The following KLHL4 variants were observed in gnomAD, a reference collection of about 807,000 sequenced individuals.
KLHL4 encodes kelch-like protein 4.
In KLHL4, 17 loss-of-function variants were observed where a neutral mutation model predicts 45.8. The ratio of observed to expected loss-of-function variants is 0.37; its 90% CI spans 0.25 to 0.56. The LOEUF (loss-of-function observed/expected upper bound fraction) is 0.56. KLHL4 is among the 20% of genes least tolerant of loss of function. KLHL4 has a pLI of 0.79. For synonymous variants in KLHL4, 224 were observed against 189.9 expected (o/e 1.18, Z -1.47); for missense variants, 544 against 544.9 (o/e 1.00, Z 0.02).
At chrX:87,540,428 A>C (rs1257964155) in intron 1 of KLHL4, among the ~76,000 whole-genome samples, 1 of 111,937 alleles carries the variant, frequency 8.9e-6, no homozygotes, top group Non-Finnish European at 1.9e-5. Flanking sequence ...AGCTGTAAGA[A>C]ATGTTGTTAT....
At chrX:87,578,356 T>C (rs1344594116) in intron 1 of KLHL4, among the ~76,000 whole-genome samples, 1 of 111,798 alleles carries the variant, frequency 8.9e-6, no homozygotes, top group African/African-American at 3.2e-5. Context: ...GTAGAGGCAA[T>C]GTGAGAAATT....
intron 1 of KLHL4, among the ~76,000 whole-genome samples, chrX:87,558,574 G>A (rs1445041462): frequency 1.8e-5 from 2 of 111,727 alleles, no homozygotes; most frequent in Non-Finnish European, 3.8e-5. Context: ...GGGCAACAGA[G>A]CGAGACTCCA....
chrX:87,645,006 C>G (rs1321363746), intron 9 of KLHL4, among the ~76,000 whole-genome samples: 3 of 111,386 alleles, frequency 2.7e-5, no homozygotes, highest in African/African-American at 9.8e-5. Flanking sequence ...ATGTCATGAC[C>G]AAGAGCCCAA....
rs1923299750 is a variant in KLHL4 at position 87,637,424 on chromosome X, G to T, written c.1925+1649G>T. On this transcript the variant is annotated intron_variant, in intron 9 of 10. Coordinates refer to ENST00000373119, the MANE Select transcript of KLHL4 (RefSeq NM_019117.5). Reference sequence around the variant, plus strand: ...AATTCTGGTAGTATGACAAAATGAGGTTTTTTGACATCCCCAAAAGATCGC... The same window carrying T: ...AATTCTGGTAGTATGACAAAATGAGTTTTTTTGACATCCCCAAAAGATCGC... Among the ~76,000 whole-genome samples, 3 of 110,972 alleles carry T rather than the reference G, an allele frequency of 2.7e-5. No homozygotes were observed. In the Admixed American group the frequency reaches 2.9e-4, roughly 11 times the overall value.
At chrX:87,601,429 G>C (rs1216096810) in intron 1 of KLHL4, among the ~76,000 whole-genome samples, 1 of 111,663 alleles carries the variant, frequency 9.0e-6, no homozygotes, top group Non-Finnish European at 1.9e-5. Context: ...TACTGAAGTT[G>C]TGTGCATGCT....
intron 9 of KLHL4, among the ~76,000 whole-genome samples, chrX:87,662,798 CGG>C (rs1924233645): frequency 9.2e-6 from 1 of 109,135 alleles, no homozygotes; most frequent in African/African-American, 3.3e-5. Flanking sequence ...GTCGTGGTGG[CGG>C]GCGCCTGTAG....
intron 1 of KLHL4, among the ~76,000 whole-genome samples, chrX:87,530,697 T>A (rs971990103): frequency 9.6e-6 from 1 of 104,067 alleles, no homozygotes; most frequent in Non-Finnish European, 1.9e-5. Context: ...TGGTTCCAAG[T>A]CTTTGCTATT....
intron 1 of KLHL4, among the ~76,000 whole-genome samples, chrX:87,584,118 C>A (rs1921379368): frequency 8.9e-6 from 1 of 112,059 alleles, no homozygotes; most frequent in African/African-American, 3.2e-5. Context: ...CAAGGCAGTA[C>A]CTCTATGAAT....
chrX:87,628,424 A>G (rs1923004947), intron 6 of KLHL4, among the ~76,000 whole-genome samples: 1 of 112,260 alleles, frequency 8.9e-6, no homozygotes, highest in African/African-American at 3.2e-5. Flanking sequence ...GAAAAAACCT[A>G]AGAAGTATAA....
chrX:87,635,799 G>C (rs920992039), intron 9 of KLHL4, 24 bp downstream of exon 9: 2 of 1,037,652 alleles, frequency 1.9e-6, no homozygotes, highest in Non-Finnish European at 2.6e-6. Flanking sequence ...ATTTCCTTCT[G>C]TATGTAATTA....
At chrX:87,610,902 T>C (rs983400562) in intron 1 of KLHL4, among the ~76,000 whole-genome samples, 13 of 110,410 alleles carry the variant, frequency 1.2e-4, no homozygotes, top group African/African-American at 4.3e-4. Context: ...GGTGAAACCC[T>C]GTCTCTACTA....
chrX:87,609,222 G>C (rs891101284), intron 1 of KLHL4, among the ~76,000 whole-genome samples: 1 of 112,084 alleles, frequency 8.9e-6, no homozygotes, highest in Non-Finnish European at 1.9e-5. Context: ...ATAAACATAT[G>C]TGTGCATGTG....
chrX:87,566,313 T>C (rs1247963961), intron 1 of KLHL4, among the ~76,000 whole-genome samples: 4 of 110,438 alleles, frequency 3.6e-5, no homozygotes, highest in Non-Finnish European at 7.6e-5. Context: ...TGAAAATAGA[T>C]ACAAAAAATC....
In KLHL4 at chrX:87,525,807, T is replaced by C. The variant is rs1304306606; in HGVS notation, c.422+7492T>C. 2.7e-5 allele frequency among the ~76,000 whole-genome samples: 3 copies of C among 111,822 alleles called. No individual in the cohort carries two copies. The East Asian group carries it at 8.4e-4, about 31-fold the overall frequency. ...TCAATGATCATATTTATTGAAACTA[T>C]CAGCAGTGAATTCATAGTTCTTTGT... On this transcript the variant is annotated intron_variant, in intron 1 of 10. Coordinates refer to ENST00000373119, the MANE Select transcript of KLHL4 (RefSeq NM_019117.5).
rs1226354302 is a variant in KLHL4 at position 87,662,395 on chromosome X, G to C, written c.1926-2369G>C. Reference sequence around the variant, plus strand: ...AGTTCAAAAGGGTATTTGAATAAAAGGTACTTAGACAACTTTGAATGCTGA... The same window carrying C: ...AGTTCAAAAGGGTATTTGAATAAAACGTACTTAGACAACTTTGAATGCTGA... On this transcript the variant is annotated intron_variant, in intron 9 of 10. Coordinates refer to ENST00000373119, the MANE Select transcript of KLHL4 (RefSeq NM_019117.5). 2.7e-5 allele frequency among the ~76,000 whole-genome samples: 3 copies of C among 111,778 alleles called. No homozygotes were observed. In the Admixed American group the frequency reaches 2.9e-4, roughly 11 times the overall value.
intron 1 of KLHL4, among the ~76,000 whole-genome samples, chrX:87,551,110 C>T (rs772287233): frequency 1.9e-5 from 2 of 107,083 alleles, no homozygotes; most frequent in Admixed American, 1.0e-4. Flanking sequence ...ACTCTAAAAC[C>T]CTAAAGACTC....
intron 1 of KLHL4, among the ~76,000 whole-genome samples, chrX:87,565,442 A>C: frequency 9.0e-6 from 1 of 111,408 alleles, no homozygotes; most frequent in Admixed American, 9.5e-5. Flanking sequence ...GAAATGAATT[A>C]AGAGGTCGCG....
In KLHL4 at chrX:87,625,700, C is replaced by T; in HGVS notation, c.1228C>T (p.Pro410Ser). The T allele has an allele frequency of 8.3e-7, 1 of 1,207,841 alleles. No homozygotes were observed. Among genetic ancestry groups the T allele is most frequent in the Non-Finnish European group, 1.1e-6 (1 of 892,583 alleles). Residue 410 changes from proline (P) to serine (S), a missense_variant, in exon 6 of 11, where the codon CCT (proline) becomes TCT (serine). Physicochemically the swap from Pro to Ser is moderately conservative, Grantham distance 74. Coordinates refer to ENST00000373119, the MANE Select transcript of KLHL4 (RefSeq NM_019117.5). Reference protein sequence around the residue: ...LMEAMKYHLLPERRSMMQSPR... With the variant: ...LMEAMKYHLLSERRSMMQSPR... ...GGAAGCTATGAAGTATCATCTTTTGCCTGAGAGAAGATCCATGATGCAAAG... is the reference window on the plus strand; with the variant it reads ...GGAAGCTATGAAGTATCATCTTTTGTCTGAGAGAAGATCCATGATGCAAAG...
chrX:87,579,525 C>T (rs1401421374), intron 1 of KLHL4, among the ~76,000 whole-genome samples: 1 of 111,075 alleles, frequency 9.0e-6, no homozygotes, highest in African/African-American at 3.3e-5. Flanking sequence ...AAACATTATC[C>T]ACCAAGACAC....
Sources: allele counts gnomAD v4.1 joint callset (sites outside exome capture counted in the v4.1 genomes callset), GRCh38; gene constraint gnomAD v4.1.1; transcripts MANE v1.5; gene names NCBI Gene and HGNC (gene_info 2026-07-23, HGNC 2026-07-21).